Variants in FER observed in about 807,000 individuals in gnomAD.
FER encodes FER tyrosine kinase, also known as tyrosine-protein kinase Fer.
A neutral mutation model predicts 111.0 loss-of-function variants in FER; 63 were observed. The observed-to-expected ratio is 0.57, with a 90% CI of 0.46 to 0.70. The LOEUF (loss-of-function observed/expected upper bound fraction) is 0.70. Among genes scored for constraint, FER ranks in the 30% least tolerant of loss-of-function variants. The probability of loss-of-function intolerance (pLI) is 0.00; values close to 1 mark genes in which losing one functional copy is unlikely to be tolerated. For missense variants in FER, 914 were observed against 954.0 expected, an observed-to-expected ratio of 0.96 and a Z score of 0.55; for synonymous variants, 327 against 313.9, an observed-to-expected ratio of 1.04 and a Z score of -0.44.
chr5:109,169,944 T>C (rs1756933999), intron 17 of FER, among the ~76,000 whole-genome samples: 1 of 152,210 alleles, frequency 6.6e-6, no homozygotes. Context: ...GAACATTCAG[T>C]ATCTAAATCT....
intron 1 of FER, chr5:108,748,544 G>T (rs530980044): frequency 2.0e-5 from 3 of 152,564 alleles, no homozygotes; most frequent in Non-Finnish European, 4.4e-5. Flanking sequence ...ATCTCACCAC[G>T]GCAGCCCAGG....
intron 14 of FER, among the ~76,000 whole-genome samples, chr5:109,042,836 A>C (rs137856672): frequency 1.3e-5 from 2 of 152,178 alleles, no homozygotes; most frequent in Non-Finnish European, 2.9e-5. Flanking sequence ...ATCACTATGT[A>C]TTTGAGTTCA....
chr5:108,832,911 G>A lies in FER; in HGVS notation c.349G>A (p.Val117Ile). The A allele has an allele frequency of 1.9e-6, 3 of 1,599,980 alleles. No individual in the cohort carries two copies. Among genetic ancestry groups the A allele is most frequent in the Non-Finnish European group, 2.6e-6 (3 of 1,173,104 alleles). ...GCAGGTGAAGAAAAGTTACATAGGTGTTCATCAGCAGATAGAGGCAGAGAT... is the reference window on the plus strand; with the variant it reads ...GCAGGTGAAGAAAAGTTACATAGGTATTCATCAGCAGATAGAGGCAGAGAT... ...KQQVKKSYIG[V>I]HQQIEAEMIK... The change falls in exon 4 of 20, where the codon GTT (valine) becomes ATT (isoleucine). Residue 117 changes from valine to isoleucine, a missense_variant. Transcript: ENST00000281092.
chr5:108,920,457 T>G (rs1406051606), intron 10 of FER, among the ~76,000 whole-genome samples: 1 of 152,138 alleles, frequency 6.6e-6, no homozygotes, highest in Non-Finnish European at 1.5e-5. Flanking sequence ...ATAAAGTAAT[T>G]ACACTGATAA....
At chr5:109,127,088 CAAG>C (rs1372501997) in intron 17 of FER, among the ~76,000 whole-genome samples, 2 of 152,090 alleles carry the variant, frequency 1.3e-5, no homozygotes. Context: ...GGGAACGTTC[CAAG>C]ATTATTTCTC....
chr5:109,189,616 A>G lies in FER; in HGVS notation c.*2041A>G, dbSNP rs953143980. 9 of 152,228 alleles carry G rather than the reference A, an allele frequency of 5.9e-5. No homozygotes were observed. The highest frequency in any genetic ancestry group is 1.2e-4 in the Non-Finnish European group (8 of 68,042). 9.4% of individuals were successfully genotyped at this position (152,228 alleles called of 1,614,324 possible). On this transcript the variant is annotated 3_prime_UTR_variant, in exon 20 of 20. Coordinates refer to ENST00000281092, the MANE Select transcript of FER (RefSeq NM_005246.4). ...GTGCTATGGTATTGAGGCACTTACC[A>G]ACCTTCAAAAGTAAGAGTAAAATGG... is the stretch of plus-strand genomic sequence containing the variant.
intron 18 of FER, among the ~76,000 whole-genome samples, chr5:109,183,192 A>T (rs1447984741): frequency 6.6e-6 from 1 of 151,452 alleles, no homozygotes; most frequent in Admixed American, 6.6e-5. Context: ...AGCAACCCAG[A>T]GAAGTTTAGT....
intron 13 of FER, among the ~76,000 whole-genome samples, chr5:108,986,671 C>CAA (rs1762610756): frequency 6.6e-6 from 1 of 152,122 alleles, no homozygotes; most frequent in African/African-American, 2.4e-5. Context: ...TGTGACTTTC[C>CAA]AATTATTCCA....
chr5:109,159,253 C>T (rs923681911), intron 17 of FER, among the ~76,000 whole-genome samples: 1 of 151,926 alleles, frequency 6.6e-6, no homozygotes, highest in African/African-American at 2.4e-5. Flanking sequence ...TTCTAAAAAC[C>T]CTACTCTTCT....
intron 15 of FER, among the ~76,000 whole-genome samples, chr5:109,046,702 G>A (rs902036923): frequency 2.0e-5 from 3 of 151,980 alleles, no homozygotes; most frequent in Admixed American, 1.3e-4. Context: ...TACAGAACAT[G>A]TACAGAATTT....
intron 17 of FER, among the ~76,000 whole-genome samples, chr5:109,106,486 C>T (rs1000825611): frequency 2.6e-5 from 4 of 151,638 alleles, no homozygotes; most frequent in Non-Finnish European, 5.9e-5. Flanking sequence ...TTTTCTTGTT[C>T]TGACATTTGA....
chr5:108,852,497 C>T lies in FER; in HGVS notation c.482-15270C>T, dbSNP rs149961372. On this transcript the variant is annotated intron_variant, in intron 5 of 19. Transcript: ENST00000281092. Reference sequence around the variant, plus strand: ...CTTATTCAATATCTGTATATTTTGGCGATATTTAAATATCAAATTTATGTT... The same window carrying T: ...CTTATTCAATATCTGTATATTTTGGTGATATTTAAATATCAAATTTATGTT... Among the ~76,000 whole-genome samples, 796 of 151,960 alleles carry T rather than the reference C, an allele frequency of 5.2e-3. 8 individuals are homozygous for T. The highest frequency in any genetic ancestry group is 9.0e-3 in the Non-Finnish European group (608 of 67,904).
At chr5:108,901,901 C>T (rs1451690659) in intron 10 of FER, among the ~76,000 whole-genome samples, 1 of 152,102 alleles carries the variant, frequency 6.6e-6, no homozygotes, top group Non-Finnish European at 1.5e-5. Flanking sequence ...CAGTGTTCCA[C>T]GATTGTGCCA....
chr5:109,087,018 C>T (rs183069365), intron 16 of FER, among the ~76,000 whole-genome samples: 6 of 148,312 alleles, frequency 4.0e-5, no homozygotes, highest in African/African-American at 1.5e-4. Context: ...ACCCTGGGGA[C>T]TTCATTTTAC....
Position 108,897,757 on chromosome 5 carries a change from A to C in FER, c.1145A>C (p.Glu382Ala). Residue 382 changes from glutamate to alanine, a missense_variant, in exon 10 of 20, where the codon GAA (glutamate) becomes GCA (alanine). Physicochemically the swap from Glu to Ala is moderately radical, Grantham distance 107 (BLOSUM62 -1). This residue lies in a region of FER where 774 missense variants were observed against 782.6 expected (regional missense o/e 0.99). Coordinates refer to ENST00000281092, the MANE Select transcript of FER (RefSeq NM_005246.4). ...CTEAKFSAQK[E>A]LLEQKVQEND... ...GAAGCAAAGTTTTCAGCACAGAAGG[A>C]ATTACTAGAGCAAAAAGTGCAAGAA... is the stretch of plus-strand genomic sequence containing the variant. 6.2e-7 allele frequency: 1 copy of C among 1,613,756 alleles called. No homozygotes were observed. The highest frequency in any genetic ancestry group is 8.5e-7 in the Non-Finnish European group (1 of 1,179,806).
At chr5:109,059,427 C>T (rs973480259) in intron 16 of FER, among the ~76,000 whole-genome samples, 1 of 151,820 alleles carries the variant, frequency 6.6e-6, no homozygotes, top group South Asian at 2.1e-4. Flanking sequence ...ACTTGGGAAG[C>T]TGAGGCAGGA....
intron 11 of FER, 141 bp downstream of exon 11, chr5:108,946,363 G>A (rs777292184): frequency 1.3e-5 from 7 of 521,232 alleles, no homozygotes; most frequent in Non-Finnish European, 2.0e-5. Flanking sequence ...CAAATGGAAA[G>A]ATAAGTGCAT....
At chr5:108,827,640 CTTG>C (rs1327835605) in intron 3 of FER, among the ~76,000 whole-genome samples, 2 of 151,764 alleles carry the variant, frequency 1.3e-5, no homozygotes, top group Non-Finnish European at 2.9e-5. Flanking sequence ...ACTACAGGGT[CTTG>C]TTGTTCATAT....
At chr5:108,910,622 C>A (rs1751414251) in intron 10 of FER, among the ~76,000 whole-genome samples, 1 of 152,020 alleles carries the variant, frequency 6.6e-6, no homozygotes, top group South Asian at 2.1e-4. Flanking sequence ...AATTTTCAAC[C>A]CCCTCCGCTT....
Sources: allele counts gnomAD v4.1 joint callset (sites outside exome capture counted in the v4.1 genomes callset), GRCh38; gene constraint gnomAD v4.1.1; regional missense constraint gnomAD v4.1.1; transcripts MANE v1.5; gene names NCBI Gene and HGNC (gene_info 2026-07-23, HGNC 2026-07-21).